Variants in TMTC1 observed in about 807,000 individuals in gnomAD.
TMTC1 encodes protein O-mannosyl-transferase TMTC1.
In TMTC1, 73 loss-of-function variants were observed where a neutral mutation model predicts 104.8. The observed-to-expected ratio is 0.70, with a 90% CI of 0.58 to 0.85. TMTC1 has a LOEUF of 0.85. Ranked by LOEUF, TMTC1 falls within the 40% of genes least tolerant of loss-of-function variation. TMTC1 has a pLI of 0.00. For missense variants in TMTC1, 1,035 were observed against 1,096.1 expected, an observed-to-expected ratio of 0.94 and a Z score of 0.79; for synonymous variants, 434 against 428.7, an observed-to-expected ratio of 1.01 and a Z score of -0.15.
intron 3 of TMTC1, among the ~76,000 whole-genome samples, chr12:29,757,247 T>A (rs1288364973): frequency 2.0e-5 from 3 of 152,200 alleles, no homozygotes; most frequent in Admixed American, 6.5e-5. Context: ...AAGGTCTAGA[T>A]TGGTTTGTAA....
chr12:29,551,027 G>A (rs1272295929), intron 10 of TMTC1, among the ~76,000 whole-genome samples: 1 of 151,152 alleles, frequency 6.6e-6, no homozygotes, highest in Non-Finnish European at 1.5e-5. Context: ...AGATGAAGGG[G>A]AGCAAGTGTA....
At chr12:29,598,312 G>C (rs183371806) in intron 7 of TMTC1, among the ~76,000 whole-genome samples, 44 of 152,324 alleles carry the variant, frequency 2.9e-4, no homozygotes, top group African/African-American at 9.9e-4. Context: ...AACAGAGGCT[G>C]TGTAACTTCA....
rs949994989 is a variant in TMTC1 at position 29,752,724 on chromosome 12, G to GA, written c.732-853dup. Among the ~76,000 whole-genome samples the GA allele has an allele frequency of 4.8e-4, 69 of 144,798 alleles. 1 individual carries two copies. The highest frequency in any genetic ancestry group is 6.1e-4 in the Non-Finnish European group (40 of 65,694). 95.0% of individuals were successfully genotyped at this position (144,798 alleles called of 152,430 possible). A position where few individuals can be genotyped will look rare whatever the true frequency, so the allele number is the denominator to read the frequency against. ...ATATCTCAAAAGCCCAATGGTAAAT[G>GA]AAAAAAAAAAGCAAGTGATACCATT... On this transcript the variant is annotated intron_variant, in intron 4 of 17. Transcript: ENST00000539277.
chr12:29,686,369 T>C (rs1941093820), intron 5 of TMTC1, among the ~76,000 whole-genome samples: 1 of 152,234 alleles, frequency 6.6e-6, no homozygotes, highest in Non-Finnish European at 1.5e-5. Context: ...TGTCACATAC[T>C]ACATGCCAGT....
chr12:29,541,043 T>C (rs146885791), intron 10 of TMTC1, among the ~76,000 whole-genome samples: 192 of 152,250 alleles, frequency 1.3e-3, no homozygotes, highest in Middle Eastern at 6.8e-3. Context: ...AGTTTTACTC[T>C]TTATTTCTAG....
At chr12:29,643,245 A>C (rs1938946186) in intron 5 of TMTC1, among the ~76,000 whole-genome samples, 1 of 151,624 alleles carries the variant, frequency 6.6e-6, no homozygotes, top group African/African-American at 2.4e-5. Flanking sequence ...AGATTCCTTA[A>C]AGAACTAAAA....
At position 29,654,202 on chromosome 12, in the gene TMTC1, G is replaced by C. The variant is rs866964080; in HGVS notation, c.939-20866C>G. Among the ~76,000 whole-genome samples the C allele has an allele frequency of 2.0e-5, 3 of 152,092 alleles. No individual in the cohort carries two copies. In the South Asian group the frequency reaches 6.2e-4, roughly 31 times the overall value. ...GTTTATAAATCATAAGTCAGATAAG[G>C]GACTTGTATCTAGAATATATTAAGA... On this transcript the variant is annotated intron_variant, in intron 5 of 17. Transcript: ENST00000539277.
chr12:29,745,347 G>A (rs1007314476), intron 5 of TMTC1, among the ~76,000 whole-genome samples: 2 of 152,044 alleles, frequency 1.3e-5, no homozygotes, highest in Non-Finnish European at 2.9e-5. Context: ...ACTAGGCCAG[G>A]AGCAGTGGCT....
At chr12:29,725,909 G>A (rs1173583217) in intron 5 of TMTC1, among the ~76,000 whole-genome samples, 1 of 152,134 alleles carries the variant, frequency 6.6e-6, no homozygotes, top group Non-Finnish European at 1.5e-5. Flanking sequence ...CTCTACTAAT[G>A]CTACTGCAAA....
At chr12:29,524,111 A>G (rs773573034) in intron 11 of TMTC1, among the ~76,000 whole-genome samples, 2 of 152,134 alleles carry the variant, frequency 1.3e-5, no homozygotes, top group Non-Finnish European at 2.9e-5. Context: ...TGTCATCTCA[A>G]TTAAAGAGAG....
At chr12:29,643,503 ATATTT>A in intron 5 of TMTC1, among the ~76,000 whole-genome samples, 1 of 82,518 alleles carries the variant, frequency 1.2e-5, no homozygotes, top group African/African-American at 5.4e-5. Flanking sequence ...TATATATTAT[ATATTT>A]TATATATAAT....
At chr12:29,707,439 C>T (rs546268267) in intron 5 of TMTC1, among the ~76,000 whole-genome samples, 6 of 152,308 alleles carry the variant, frequency 3.9e-5, no homozygotes, top group East Asian at 3.9e-4. Flanking sequence ...GCATCTCCCC[C>T]GCCTCTGCTC....
intron 5 of TMTC1, among the ~76,000 whole-genome samples, chr12:29,737,064 A>G (rs2136932248): frequency 6.6e-6 from 1 of 152,388 alleles, no homozygotes; most frequent in Admixed American, 6.5e-5. Flanking sequence ...AAGACTGCTT[A>G]CAGATGAAAT....
At chr12:29,713,248 C>G (rs1941981134) in intron 5 of TMTC1, among the ~76,000 whole-genome samples, 1 of 150,934 alleles carries the variant, frequency 6.6e-6, no homozygotes, top group Non-Finnish European at 1.5e-5. Context: ...GACTTGCCAG[C>G]CTCCACCTAA....
At chr12:29,758,878 G>C (rs1052650062) in intron 2 of TMTC1, 101 bp from the exon 3 acceptor site, 32 of 1,018,088 alleles carry the variant, frequency 3.1e-5, no homozygotes, top group Non-Finnish European at 4.4e-5. Context: ...TAGATAAATG[G>C]AAGATATAAT....
At chr12:29,622,356 T>G (rs1937717777) in intron 6 of TMTC1, among the ~76,000 whole-genome samples, 1 of 152,212 alleles carries the variant, frequency 6.6e-6, no homozygotes, top group African/African-American at 2.4e-5. Flanking sequence ...GGAAACCACA[T>G]TAGAGAACAC....
intron 10 of TMTC1, among the ~76,000 whole-genome samples, chr12:29,547,153 GCAATGAAGGAAAATGATGACATTC>G (rs1196609360): frequency 6.6e-6 from 1 of 152,152 alleles, no homozygotes; most frequent in East Asian, 1.9e-4. Context: ...AAATATTTAT[GCAATGAAGGAAAATGATGACATTC>G]CAACTCCTTC....
chr12:29,517,503 C>T lies in TMTC1; in HGVS notation c.2093G>A (p.Arg698Gln), dbSNP rs762814208. The change falls in exon 14 of 18, where the codon CGA becomes CAA. Residue 698 changes from arginine (R) to glutamine (Q), a missense_variant. Coordinates refer to ENST00000539277, the MANE Select transcript of TMTC1 (RefSeq NM_001193451.2). ...PLGALYYNTG[R>Q]YEEALQIYQE... ...GTAAATCTGCAAAGCCTCTTCGTAT[C>T]GGCCAGTGTTGTAATACAGTGCTCC... is the stretch of plus-strand genomic sequence containing the variant. 129 of 1,613,974 alleles carry T rather than the reference C, an allele frequency of 8.0e-5. No homozygotes were observed. The South Asian group carries it at 9.3e-4, about 12-fold the overall frequency.
rs9376 is a variant in TMTC1, at chr12:29,500,949, G to C, written c.*5897C>G. ...TCAATGGGAGAAATACTTTATGGAA[G>C]ATAAATTCTAACGGGCACAGCCAAA... On this transcript the variant is annotated 3_prime_UTR_variant, in exon 18 of 18. Transcript: ENST00000539277. 0.074 allele frequency: 11,201 copies of C among 151,710 alleles called. 521 individuals carry two copies. Among genetic ancestry groups the C allele is most frequent in the East Asian group, 0.12 (582 of 4,888 alleles). 9.4% of individuals were successfully genotyped at this position (151,710 alleles called of 1,614,324 possible). A position where few individuals can be genotyped will look rare whatever the true frequency, so the allele number is the denominator to read the frequency against.
Sources: allele counts gnomAD v4.1 joint callset (sites outside exome capture counted in the v4.1 genomes callset), GRCh38; gene constraint gnomAD v4.1.1; transcripts MANE v1.5; gene names NCBI Gene and HGNC (gene_info 2026-07-23, HGNC 2026-07-21).